The following VEZF1 variants were observed in gnomAD, a reference collection of about 807,000 sequenced individuals.
VEZF1 encodes the protein vascular endothelial zinc finger 1, also known as putative transcription factor DB1.
Under a neutral mutation model 44.1 loss-of-function variants are expected in VEZF1, and 5 were observed. The ratio of observed to expected loss-of-function variants is 0.11; its 90% CI spans 0.06 to 0.24. The LOEUF (loss-of-function observed/expected upper bound fraction) is 0.24. VEZF1 is among the 10% of genes least tolerant of loss of function. The pLI, the probability that VEZF1 is intolerant of heterozygous loss-of-function variation, is 1.00. For missense variants in VEZF1, 358 were observed against 641.8 expected (o/e 0.56, Z 4.78); for synonymous variants, 236 against 233.1 (o/e 1.01, Z -0.11).
chr17:57,979,407 C>T, intron 4 of VEZF1, 94 bp from the exon 5 acceptor site: 1 of 1,549,476 alleles, frequency 6.5e-7, no homozygotes, highest in Admixed American at 1.8e-5. Flanking sequence ...GTGATCTTAA[C>T]CATTTAACCT....
chr17:57,979,970 CAAAAAAAAAAA>C (rs11359148), intron 4 of VEZF1, among the ~76,000 whole-genome samples: 1 of 68,434 alleles, frequency 1.5e-5, no homozygotes, highest in South Asian at 5.7e-4. Flanking sequence ...GACTCCGTCT[CAAAAAAAAAAA>C]AAAAAAAAAA....
At position 57,982,923 on chromosome 17, in the gene VEZF1, C is replaced by T. The variant is rs149373073; in HGVS notation, c.504G>A (p.Lys168=). 22 of 1,614,102 alleles carry T rather than the reference C, an allele frequency of 1.4e-5. No individual in the cohort carries two copies. The highest frequency in any genetic ancestry group is 1.8e-5 in the Non-Finnish European group (21 of 1,180,040). The change falls in exon 2 of 6, where the codon AAG becomes AAA. Residue 168 remains lysine (K), a synonymous_variant. Transcript: ENST00000581208. ...PVTQSVKKPS[K]PVKKNHACEM... is the part of the protein sequence containing the mutation. ...CACAAGCATGGTTCTTCTTGACAGG[C>T]TTACTGGGTTTCTTGACAGACTGGG...
In VEZF1 at chr17:57,973,840, C is replaced by T. The variant is rs1370296710; in HGVS notation, c.*633G>A. On this transcript the variant is annotated 3_prime_UTR_variant, in exon 6 of 6. Coordinates refer to ENST00000581208, the MANE Select transcript of VEZF1 (RefSeq NM_007146.3). ...CATCTCCAAATATCAGGTCACAATC[C>T]CTATTATACGTTGAAGTTAGAATGA... 2 of 152,682 alleles carry T rather than the reference C, an allele frequency of 1.3e-5. No homozygotes were observed. The highest frequency in any genetic ancestry group is 2.9e-5 in the Non-Finnish European group (2 of 68,262). 9.5% of individuals were successfully genotyped at this position (152,682 alleles called of 1,614,324 possible).
intron 1 of VEZF1, among the ~76,000 whole-genome samples, chr17:57,987,567 C>T (rs2075309277): frequency 6.6e-6 from 1 of 152,000 alleles, no homozygotes. Flanking sequence ...AACACACGCA[C>T]GCACACACAC....
intron 1 of VEZF1, chr17:57,986,077 T>C (rs980523170): frequency 5.9e-5 from 9 of 152,168 alleles, no homozygotes; most frequent in African/African-American, 2.2e-4. Flanking sequence ...ACTGCACACA[T>C]TGCCAAGCCC....
chr17:57,978,624 TAGAC>T (rs1439045921), intron 5 of VEZF1, among the ~76,000 whole-genome samples: 3 of 152,112 alleles, frequency 2.0e-5, no homozygotes, highest in Non-Finnish European at 4.4e-5. Context: ...CAGCCAGTGA[TAGAC>T]TGAAGGAGAT....
chr17:57,985,131 AAGGCTAACAGATCAGATAAT>A lies in VEZF1; in HGVS notation c.34-1758_34-1739del, dbSNP rs1318322042. On this transcript the variant is annotated intron_variant, in intron 1 of 5. Transcript: ENST00000581208. Reference sequence around the variant, plus strand: ...AGATAGCTGAAGATATACAATTTCAAAGGCTAACAGATCAGATAATAGGGAATGCAGATCTTCTGGACAAA... The same window carrying A: ...AGATAGCTGAAGATATACAATTTCAAAGGGAATGCAGATCTTCTGGACAAA... 7.1e-6 allele frequency: 4 copies of A among 561,630 alleles called. No homozygotes were observed. The Admixed American group carries it at 1.8e-4, about 25-fold the overall frequency. 34.8% of individuals were successfully genotyped at this position (561,630 alleles called of 1,614,324 possible). A position where few individuals can be genotyped will look rare whatever the true frequency, so the allele number is the denominator to read the frequency against.
intron 1 of VEZF1, 77 bp downstream of exon 1, chr17:57,988,002 G>A (rs1270244162): frequency 1.1e-5 from 2 of 190,468 alleles, no homozygotes; most frequent in Non-Finnish European, 2.3e-5. Flanking sequence ...GAGGGGAGGA[G>A]GAGCGCCCGC....
At chr17:57,981,220 C>T (rs1006327673) in intron 3 of VEZF1, among the ~76,000 whole-genome samples, 4 of 152,184 alleles carry the variant, frequency 2.6e-5, no homozygotes, top group African/African-American at 9.7e-5. Context: ...TTCCTTCCTC[C>T]AATTAGATCT....
chr17:57,981,996 T>C (rs1403632522), intron 2 of VEZF1, 60 bp from the exon 3 acceptor site: 5 of 1,568,128 alleles, frequency 3.2e-6, no homozygotes, highest in South Asian at 2.2e-5. Flanking sequence ...ATGCTACTTA[T>C]GTGATGCTCA....
Position 57,988,126 on chromosome 17 carries a change from A to G in VEZF1, c.-15T>C. On this transcript the variant is annotated 5_prime_UTR_variant, in exon 1 of 6. Coordinates refer to ENST00000581208, the MANE Select transcript of VEZF1 (RefSeq NM_007146.3). ...TTGGCCTCCATGGCTGCGGCGGCCG[A>G]CCCCCCTCCTCCCCACTCCCCCCGC... is the stretch of plus-strand genomic sequence containing the variant. The G allele has an allele frequency of 1.3e-6, 1 of 774,960 alleles. No individual in the cohort carries two copies. Among genetic ancestry groups the G allele is most frequent in the Non-Finnish European group, 1.6e-6 (1 of 615,032 alleles). The allele number at this position is 774,960 out of a possible 1,614,324, so 48.0% of individuals were successfully genotyped here. A position where few individuals can be genotyped will look rare whatever the true frequency, so the allele number is the denominator to read the frequency against.
chr17:57,979,826 C>T (rs527637158), intron 4 of VEZF1, among the ~76,000 whole-genome samples: 108 of 151,788 alleles, frequency 7.1e-4, no homozygotes, highest in African/African-American at 2.4e-3. Context: ...CAAAGGTAAT[C>T]GGGCATGGCA....
At chr17:57,983,929 TAA>T (rs1567740768) in intron 1 of VEZF1, among the ~76,000 whole-genome samples, 1 of 152,220 alleles carries the variant, frequency 6.6e-6, no homozygotes, top group African/African-American at 2.4e-5. Context: ...TCTAGTTCTC[TAA>T]ATACATTTGC....
At position 57,979,145 on chromosome 17, in the gene VEZF1, G is replaced by A; in HGVS notation, c.1138+7C>T. ...CCATATTTTCAACACTGGAAGCTGT[G>A]CCTTACCTTTCTTCCTTGCTTTAAC... is the stretch of plus-strand genomic sequence containing the variant. On this transcript the variant is annotated splice_region_variant and intron_variant, in intron 5 of 5. Coordinates refer to ENST00000581208, the MANE Select transcript of VEZF1 (RefSeq NM_007146.3). 2 of 1,611,416 alleles carry A rather than the reference G, an allele frequency of 1.2e-6. No individual in the cohort carries two copies. The highest frequency in any genetic ancestry group is 1.7e-6 in the Non-Finnish European group (2 of 1,179,342).
chr17:57,983,728 T>C (rs1275668533), intron 1 of VEZF1, among the ~76,000 whole-genome samples: 2 of 152,194 alleles, frequency 1.3e-5, no homozygotes, highest in Non-Finnish European at 2.9e-5. Context: ...CAAGTTTAAA[T>C]AACTTACTTA....
Position 57,973,832 on chromosome 17 carries a change from T to C in VEZF1, c.*641A>G, listed in dbSNP as rs1162671931. Reference sequence around the variant, plus strand: ...AATATTTACATCTCCAAATATCAGGTCACAATCCCTATTATACGTTGAAGT... The same window carrying C: ...AATATTTACATCTCCAAATATCAGGCCACAATCCCTATTATACGTTGAAGT... On this transcript the variant is annotated 3_prime_UTR_variant, in exon 6 of 6. Coordinates refer to ENST00000581208, the MANE Select transcript of VEZF1 (RefSeq NM_007146.3). 6.5e-6 allele frequency: 1 copy of C among 152,928 alleles called. No homozygotes were observed. The highest frequency in any genetic ancestry group is 1.9e-4 in the East Asian group (1 of 5,198). 9.5% of individuals were successfully genotyped at this position (152,928 alleles called of 1,614,324 possible).
At chr17:57,977,744 T>G (rs2097719568) in intron 5 of VEZF1, among the ~76,000 whole-genome samples, 1 of 150,932 alleles carries the variant, frequency 6.6e-6, no homozygotes, top group Non-Finnish European at 1.5e-5. Context: ...CTCAGGAGGC[T>G]GAGGCAGGAG....
chr17:57,979,393 T>C, intron 4 of VEZF1, 80 bp from the exon 5 acceptor site: 1 of 1,577,216 alleles, frequency 6.3e-7, no homozygotes, highest in Non-Finnish European at 8.6e-7. Flanking sequence ...CTTCTCATGC[T>C]TCTGTGATCT....
intron 1 of VEZF1, among the ~76,000 whole-genome samples, chr17:57,984,593 C>G (rs2075278981): frequency 6.6e-6 from 1 of 152,146 alleles, no homozygotes; most frequent in Non-Finnish European, 1.5e-5. Flanking sequence ...CCCATCCCAT[C>G]ATTTTAGACA....
Sources: gnomAD v4.1 joint callset for allele counts (sites outside exome capture counted in the v4.1 genomes callset) on GRCh38, gnomAD v4.1.1 for gene constraint, MANE v1.5 for transcripts, NCBI Gene and HGNC (gene_info 2026-07-23, HGNC 2026-07-21) for gene names.